CENPI: variants seen among roughly 807,000 people sequenced by gnomAD.
CENPI encodes the protein centromere protein I.
In CENPI, 4 loss-of-function variants were observed where a neutral mutation model predicts 60.4. The observed-to-expected ratio is 0.07, with a 90% confidence interval of 0.03 to 0.15. CENPI has a LOEUF of 0.15. Among genes scored for constraint, CENPI ranks in the 10% least tolerant of loss-of-function variants. The pLI is 1.00. For missense variants in CENPI, 444 were observed against 534.5 expected, an observed-to-expected ratio of 0.83 and a Z score of 1.67; for synonymous variants, 157 against 189.4, an observed-to-expected ratio of 0.83 and a Z score of 1.40.
intron 21 of CENPI, 104 bp downstream of exon 21, chrX:101,161,673 C>A: frequency 1.4e-6 from 1 of 714,815 alleles, no homozygotes; most frequent in Non-Finnish European, 2.1e-6. Flanking sequence ...CTGCTGCCTC[C>A]ACAAAGTCAA....
At position 101,128,834 on chromosome X, in the gene CENPI, A is replaced by G. The variant is rs1420342684; in HGVS notation, c.1193A>G (p.Glu398Gly). ...TACTGGTTGAGTCAAACATTACAAGAAGGTAAGAATTGAGTGAGGATGGAC... is the reference window on the plus strand; with the variant it reads ...TACTGGTTGAGTCAAACATTACAAGGAGGTAAGAATTGAGTGAGGATGGAC... ...FYYWLSQTLQEECIWYKVNNY... is the reference protein window; with the variant it reads ...FYYWLSQTLQGECIWYKVNNY... The change falls in exon 12 of 22, where the codon GAA becomes GGA. Residue 398 changes from glutamate to glycine, a missense_variant and splice_region_variant. Glu to Gly is a moderately conservative substitution (Grantham distance 98). Transcript: ENST00000682095. 1 of 1,209,053 alleles carries G rather than the reference A, an allele frequency of 8.3e-7. No homozygotes were observed. The highest frequency in any genetic ancestry group is 2.2e-5 in the Admixed American group (1 of 45,982).
rs146576191 is a variant in CENPI at position 101,115,253 on chromosome X, C to T, written c.592-5149C>T. On this transcript the variant is annotated intron_variant, in intron 6 of 21. Coordinates refer to ENST00000682095, the MANE Select transcript of CENPI (RefSeq NM_001386188.2). ...TGTTAGTATTACAGGCTTGAGCCAC[C>T]GAGCCCGGCCATTTATTTTTTTCAT... Among the ~76,000 whole-genome samples, 798 of 108,277 alleles carry T rather than the reference C, an allele frequency of 7.4e-3. 7 individuals are homozygous for T. Among genetic ancestry groups the T allele is most frequent in the African/African-American group, 0.026 (768 of 29,776 alleles). 94.0% of individuals were successfully genotyped at this position (108,277 alleles called of 115,157 possible). A position where few individuals can be genotyped will look rare whatever the true frequency, so the allele number is the denominator to read the frequency against.
chrX:101,125,198 G>A (rs1290495296), intron 8 of CENPI, among the ~76,000 whole-genome samples: 2 of 111,129 alleles, frequency 1.8e-5, no homozygotes, highest in Admixed American at 1.9e-4. Context: ...TCCTTTCTGG[G>A]AGTTGTCAAG....
At chrX:101,107,438 C>T (rs961716659) in intron 4 of CENPI, among the ~76,000 whole-genome samples, 61 of 110,101 alleles carry the variant, frequency 5.5e-4, no homozygotes, top group African/African-American at 1.9e-3. Context: ...CTCACTGCAG[C>T]CTCTGCCTCC....
intron 21 of CENPI, among the ~76,000 whole-genome samples, chrX:101,162,087 T>C (rs2090112972): frequency 9.1e-6 from 1 of 110,240 alleles, no homozygotes; most frequent in African/African-American, 3.3e-5. Context: ...ATTGCATGTG[T>C]GTACCACCAC....
chrX:101,130,511 CATT>C (rs1223984613), intron 13 of CENPI, among the ~76,000 whole-genome samples: 1 of 111,751 alleles, frequency 8.9e-6, no homozygotes, highest in Non-Finnish European at 1.9e-5. Flanking sequence ...GTTTGAAGCT[CATT>C]ATAGATAAAG....
intron 8 of CENPI, among the ~76,000 whole-genome samples, 168 bp downstream of exon 8, chrX:101,120,952 T>C (rs2089671466): frequency 9.3e-6 from 1 of 107,475 alleles, no homozygotes; most frequent in Non-Finnish European, 1.9e-5. Context: ...CTTGGCTCAC[T>C]GCAACCTCCG....
chrX:101,148,104 T>G lies in CENPI; in HGVS notation c.2037T>G (p.Ser679Arg). 1 of 1,188,263 alleles carries G rather than the reference T, an allele frequency of 8.4e-7. No individual in the cohort carries two copies. The highest frequency in any genetic ancestry group is 1.1e-6 in the Non-Finnish European group (1 of 887,957). ...EKTGVAEYKN[S>R]LNVVHHPSFL... ...CTGGAGTGGCTGAATATAAAAACAG[T>G]TTAAATGTAGTCCATCATCCTTCTT... The change falls in exon 20 of 22, where the codon AGT becomes AGG. Residue 679 changes from serine to arginine, a missense_variant. By Grantham distance (110) the Ser-to-Arg change is moderately radical. Transcript: ENST00000682095.
At position 101,146,287 on chromosome X, in the gene CENPI, C is replaced by G. The variant is rs1331344367; in HGVS notation, c.1826+10C>G. 5.9e-6 allele frequency: 7 copies of G among 1,191,883 alleles called. No individual in the cohort carries two copies. ...GTTTTATTATGCACAGGTACAAAGC[C>G]TTTTTACCATTTTATGAAACAGTGT... On this transcript the variant is annotated intron_variant, in intron 18 of 21. Transcript: ENST00000682095.
intron 8 of CENPI, among the ~76,000 whole-genome samples, chrX:101,126,390 C>T (rs752968618): frequency 8.9e-6 from 1 of 111,847 alleles, no homozygotes; most frequent in Admixed American, 9.6e-5. Context: ...CCTGAGTATG[C>T]TACCAGTGAG....
chrX:101,112,778 C>T lies in CENPI; in HGVS notation c.591+2780C>T, dbSNP rs1425887304. ...TGATCCACCCGCCTCGGGTTCCCAACGTGCTGGGATTACAGGTGTGAGCTA... is the reference window on the plus strand; with the variant it reads ...TGATCCACCCGCCTCGGGTTCCCAATGTGCTGGGATTACAGGTGTGAGCTA... On this transcript the variant is annotated intron_variant, in intron 6 of 21. Coordinates refer to ENST00000682095, the MANE Select transcript of CENPI (RefSeq NM_001386188.2). Among the ~76,000 whole-genome samples the T allele has an allele frequency of 2.7e-5, 3 of 110,001 alleles. No homozygotes were observed. In the East Asian group the frequency reaches 8.5e-4, roughly 31 times the overall value.
intron 20 of CENPI, 99 bp from the exon 21 acceptor site, chrX:101,161,429 T>G: frequency 2.7e-5 from 20 of 748,912 alleles, no homozygotes; most frequent in Non-Finnish European, 3.6e-5. Context: ...GCCATCTTAA[T>G]TTTCTGATGA....
intron 20 of CENPI, among the ~76,000 whole-genome samples, chrX:101,157,429 C>T (rs191338279): frequency 2.7e-5 from 3 of 110,956 alleles, no homozygotes; most frequent in East Asian, 5.7e-4. Context: ...GGGAGGATTG[C>T]GTGAGCCCAG....
At chrX:101,144,845 C>T (rs771136652) in intron 16 of CENPI, among the ~76,000 whole-genome samples, 44 of 111,755 alleles carry the variant, frequency 3.9e-4, no homozygotes, top group African/African-American at 1.4e-3. Flanking sequence ...AGTCTGATTG[C>T]TTAGAATGTT....
chrX:101,166,625 A>G (rs2090145220), downstream of CENPI, among the ~76,000 whole-genome samples: 1 of 112,805 alleles, frequency 8.9e-6, no homozygotes, highest in Non-Finnish European at 1.9e-5. Flanking sequence ...AAAGAAATGG[A>G]AAATTTGGTT....
chrX:101,173,292 C>A, the CENPI span, among the ~76,000 whole-genome samples: 1 of 95,250 alleles, frequency 1.0e-5, no homozygotes, highest in African/African-American at 3.8e-5. Context: ...GGGATTATGG[C>A]GTGAGCCACC....
intron 16 of CENPI, among the ~76,000 whole-genome samples, chrX:101,142,486 T>A (rs1158567667): frequency 5.4e-5 from 6 of 110,645 alleles, no homozygotes; most frequent in Admixed American, 9.8e-5. Flanking sequence ...AAAAAGGGAG[T>A]AAATTGTAGT....
In CENPI at chrX:101,148,228, C is replaced by T. The variant is rs771743629; in HGVS notation, c.2094+67C>T. ...CTGTGGTGGCAGAAATAGGAAGTGC[C>T]ATAAATTTAATGTGTCTGAATTGTA... On this transcript the variant is annotated intron_variant, in intron 20 of 21. Transcript: ENST00000682095. The T allele has an allele frequency of 2.5e-4, 224 of 909,328 alleles. No homozygotes were observed. In the African/African-American group the frequency reaches 3.9e-3, roughly 16 times the overall value. The allele number at this position is 909,328 out of a possible 1,213,427, so 74.9% of individuals were successfully genotyped here. A position where few individuals can be genotyped will look rare whatever the true frequency, so the allele number is the denominator to read the frequency against.
chrX:101,109,942 G>T lies in CENPI; in HGVS notation c.535G>T (p.Glu179Ter). ...VAMFDFIDRK[E>*]QINLLYGFFF... ...AATGTTTGACTTCATTGATCGTAAG[G>T]AGCAAATTAACTTGCTCTATGGCTT... The change falls in exon 6 of 22, where the codon GAG becomes TAG. Residue 179 changes from glutamate (E) to a stop codon, truncating the protein, a stop_gained. Transcript: ENST00000682095. LOFTEE classifies it high-confidence loss of function. 1 of 1,208,294 alleles carries T rather than the reference G, an allele frequency of 8.3e-7. No homozygotes were observed.
Sources: allele counts gnomAD v4.1 joint callset (sites outside exome capture counted in the v4.1 genomes callset), GRCh38; gene constraint gnomAD v4.1.1; transcripts MANE v1.5; gene names NCBI Gene and HGNC (gene_info 2026-07-23, HGNC 2026-07-21).